The following SLC35F4 variants were observed in gnomAD, a reference collection of about 807,000 sequenced individuals.
The protein encoded by SLC35F4 is chromosome 14 open reading frame 36.
Under a neutral mutation model 44.2 loss-of-function variants are expected in SLC35F4, and 24 were observed. The observed-to-expected ratio is 0.54, with a 90% CI of 0.39 to 0.76. The LOEUF is 0.76. Ranked by LOEUF, SLC35F4 falls within the 30% of genes least tolerant of loss-of-function variation. SLC35F4 has a pLI of 0.00. For missense variants in SLC35F4, 562 were observed against 586.1 expected (o/e 0.96, Z 0.42); for synonymous variants, 238 against 223.6 (o/e 1.06, Z -0.57).
intron 1 of SLC35F4, among the ~76,000 whole-genome samples, chr14:57,837,060 A>G (rs1238958303): frequency 6.6e-6 from 1 of 152,212 alleles, no homozygotes; most frequent in African/African-American, 2.4e-5. Flanking sequence ...TCTCCTTACT[A>G]AAAACTGAGA....
At chr14:57,944,755 AAAG>A (rs1889990263) in intron 1 of SLC35F4, among the ~76,000 whole-genome samples, 1 of 145,116 alleles carries the variant, frequency 6.9e-6, no homozygotes, top group Non-Finnish European at 1.5e-5. Flanking sequence ...AAGAAAGAAG[AAAG>A]GAAGAAAGAA....
intron 1 of SLC35F4, among the ~76,000 whole-genome samples, chr14:57,930,938 G>A (rs1393384528): frequency 6.6e-6 from 1 of 152,108 alleles, no homozygotes; most frequent in East Asian, 1.9e-4. Context: ...ACCCTGAAGT[G>A]GCAATTAGGA....
intron 1 of SLC35F4, among the ~76,000 whole-genome samples, chr14:57,679,366 T>C (rs576305160): frequency 1.3e-5 from 2 of 152,208 alleles, no homozygotes; most frequent in East Asian, 3.9e-4. Context: ...CTGTGACACA[T>C]TTAAAGCAGT....
At chr14:57,882,524 G>A (rs1168638106) in intron 1 of SLC35F4, among the ~76,000 whole-genome samples, 1 of 152,092 alleles carries the variant, frequency 6.6e-6, no homozygotes, top group Non-Finnish European at 1.5e-5. Flanking sequence ...TCACAGCCAA[G>A]CTACTATAGG....
intron 1 of SLC35F4, among the ~76,000 whole-genome samples, chr14:57,646,281 ATTAT>A (rs985976937): frequency 6.6e-6 from 1 of 152,140 alleles, no homozygotes; most frequent in African/African-American, 2.4e-5. Context: ...TAAGCTATTA[ATTAT>A]TGTCTCAATT....
At chr14:57,821,098 C>G (rs143403932) in intron 1 of SLC35F4, among the ~76,000 whole-genome samples, 1 of 152,172 alleles carries the variant, frequency 6.6e-6, no homozygotes, top group Admixed American at 6.6e-5. Flanking sequence ...CCTGTTCTGT[C>G]ATTGTCGTGT....
rs1287319731 is a variant in SLC35F4 at position 57,803,678 on chromosome 14, C to T, written c.103+62045G>A. On this transcript the variant is annotated intron_variant, in intron 1 of 7. Transcript: ENST00000556826. ...GATCATGGCTCATTGCAACCTCTGC[C>T]TCCTGGGTTCAAGCAATTCTCCTGC... is the stretch of plus-strand genomic sequence containing the variant. Among the ~76,000 whole-genome samples the T allele has an allele frequency of 7.4e-5, 11 of 149,196 alleles. No homozygotes were observed. In the East Asian group the frequency reaches 2.0e-3, roughly 27 times the overall value.
chr14:57,842,996 G>A (rs1306714000), intron 1 of SLC35F4, among the ~76,000 whole-genome samples: 1 of 152,090 alleles, frequency 6.6e-6, no homozygotes, highest in Non-Finnish European at 1.5e-5. Context: ...TCCTGCCCTC[G>A]AACATCAGTC....
At chr14:57,832,745 G>C (rs1304523925) in intron 1 of SLC35F4, among the ~76,000 whole-genome samples, 1 of 146,710 alleles carries the variant, frequency 6.8e-6, no homozygotes, top group Non-Finnish European at 1.5e-5. Context: ...AGGGAAAAGA[G>C]AACACAAATT....
intron 1 of SLC35F4, among the ~76,000 whole-genome samples, chr14:57,724,220 G>A (rs969955546): frequency 1.1e-4 from 17 of 152,196 alleles, no homozygotes; most frequent in African/African-American, 4.1e-4. Flanking sequence ...TGCCACTTGG[G>A]CCATTTGACC....
chr14:57,867,655 C>A (rs1193904132), upstream of SLC35F4, among the ~76,000 whole-genome samples: 1 of 150,544 alleles, frequency 6.6e-6, no homozygotes, highest in Non-Finnish European at 1.5e-5. Flanking sequence ...TTTATTATTT[C>A]TGTGGCAAAA....
intron 1 of SLC35F4, among the ~76,000 whole-genome samples, chr14:57,663,058 T>G (rs60358660): frequency 1.3e-5 from 2 of 152,306 alleles, no homozygotes; most frequent in African/African-American, 4.8e-5. Flanking sequence ...AGAGTGGGAA[T>G]TACTCCCTGC....
chr14:57,601,980 G>T (rs1471412081), intron 1 of SLC35F4, among the ~76,000 whole-genome samples: 1 of 152,116 alleles, frequency 6.6e-6, no homozygotes, highest in African/African-American at 2.4e-5. Context: ...GTATCTCACT[G>T]CTTTTCCATC....
chr14:57,573,008 C>A (rs554418441), intron 4 of SLC35F4, among the ~76,000 whole-genome samples: 1 of 152,298 alleles, frequency 6.6e-6, no homozygotes, highest in South Asian at 2.1e-4. Context: ...TGTTAAGCTT[C>A]AGTTCTGAGT....
intron 1 of SLC35F4, among the ~76,000 whole-genome samples, chr14:57,847,734 T>C (rs17093785): frequency 0.022 from 3,349 of 152,270 alleles, 137 homozygotes; most frequent in African/African-American, 0.076. Flanking sequence ...TAATGCACAA[T>C]ATTATTTTCC....
At position 57,595,539 on chromosome 14, in the gene SLC35F4, A is replaced by G. The variant is rs1188391664; in HGVS notation, c.104-1415T>C. 2.0e-5 allele frequency among the ~76,000 whole-genome samples: 3 copies of G among 152,154 alleles called. No individual in the cohort carries two copies. The East Asian group carries it at 5.8e-4, about 29-fold the overall frequency. On this transcript the variant is annotated intron_variant, in intron 1 of 7. Coordinates refer to ENST00000556826, the MANE Select transcript of SLC35F4 (RefSeq NM_001306087.2). ...ACTTTCTGGAGTCGGGGAGGTCTAC[A>G]TATATTATCTGGATTTCTTCTGTAA...
intron 1 of SLC35F4, among the ~76,000 whole-genome samples, chr14:57,851,983 A>C (rs919147775): frequency 1.6e-4 from 24 of 152,236 alleles, no homozygotes; most frequent in African/African-American, 5.8e-4. Context: ...ACAAGGCTTA[A>C]TCACTCATCC....
intron 1 of SLC35F4, among the ~76,000 whole-genome samples, chr14:57,669,107 C>T (rs956554120): frequency 6.6e-6 from 1 of 151,936 alleles, no homozygotes; most frequent in East Asian, 1.9e-4. Context: ...GAATGGGAAT[C>T]CACTCATGAT....
intron 1 of SLC35F4, among the ~76,000 whole-genome samples, chr14:57,883,066 G>C (rs1265306895): frequency 6.6e-6 from 1 of 151,754 alleles, no homozygotes; most frequent in African/African-American, 2.4e-5. Flanking sequence ...AGGAGGAGGA[G>C]GACGAGGAGG....
Sources: gnomAD v4.1 joint callset for allele counts (sites outside exome capture counted in the v4.1 genomes callset) on GRCh38, gnomAD v4.1.1 for gene constraint, MANE v1.5 for transcripts, NCBI Gene and HGNC (gene_info 2026-07-23, HGNC 2026-07-21) for gene names.